NBAS: variants seen among roughly 807,000 people sequenced by gnomAD.
The protein encoded by NBAS is NBAS subunit of NRZ tethering complex.
In NBAS, 219 loss-of-function variants were observed where a neutral mutation model predicts 302.5. The observed-to-expected ratio is 0.72, with a 90% confidence interval of 0.65 to 0.81. The LOEUF is 0.81. Among genes scored for constraint, NBAS ranks in the 30% least tolerant of loss-of-function variants. The pLI is 0.00. For synonymous variants in NBAS, 1,118 were observed against 1,021.6 expected, an observed-to-expected ratio of 1.09 and a Z score of -1.80; for missense variants, 2,932 against 2,841.6, an observed-to-expected ratio of 1.03 and a Z score of -0.72.
At chr2:15,491,929 C>T (rs1680873775) in intron 11 of NBAS, among the ~76,000 whole-genome samples, 1 of 152,136 alleles carries the variant, frequency 6.6e-6, no homozygotes, top group East Asian at 1.9e-4. Flanking sequence ...TACTGTTTCT[C>T]CTCTACACTC....
chr2:15,295,707 G>A (rs1670519834), intron 40 of NBAS, among the ~76,000 whole-genome samples: 1 of 152,176 alleles, frequency 6.6e-6, no homozygotes, highest in Non-Finnish European at 1.5e-5. Flanking sequence ...CAGAGATCAT[G>A]TGTATATCAT....
chr2:15,230,945 A>C (rs1312709406), intron 47 of NBAS, among the ~76,000 whole-genome samples: 1 of 152,052 alleles, frequency 6.6e-6, no homozygotes. Context: ...CTCCAAACAG[A>C]CTGTTCTTTC....
chr2:15,394,453 A>C (rs1675768188), intron 27 of NBAS, 104 bp from the exon 28 acceptor site: 1 of 1,226,188 alleles, frequency 8.2e-7, no homozygotes, highest in Non-Finnish European at 1.2e-6. Context: ...TTAAAAAAAA[A>C]TTATCCCATA....
intron 27 of NBAS, among the ~76,000 whole-genome samples, chr2:15,395,115 TA>T (rs1675804919): frequency 6.6e-6 from 1 of 152,056 alleles, no homozygotes; most frequent in Admixed American, 6.5e-5. Context: ...TAAATTAAGC[TA>T]AATAGTGAAA....
At position 15,533,679 on chromosome 2, in the gene NBAS, C is replaced by CGTGT. The variant is rs59222907; in HGVS notation, c.746+860_746+863dup. ...CACAAGGAGGACTTCGGGGGGTGTG[C>CGTGT]GTGTGTGTGTGTGTGTGTGTGTGTG... On this transcript the variant is annotated intron_variant, in intron 9 of 51. Transcript: ENST00000281513. 6.4e-3 allele frequency among the ~76,000 whole-genome samples: 921 copies of CGTGT among 143,984 alleles called. 10 individuals are homozygous for CGTGT. The highest frequency in any genetic ancestry group is 0.034 in the East Asian group (155 of 4,602). 94.5% of individuals were successfully genotyped at this position (143,984 alleles called of 152,430 possible).
intron 25 of NBAS, among the ~76,000 whole-genome samples, chr2:15,405,085 T>C (rs1676345867): frequency 6.6e-6 from 1 of 152,218 alleles, no homozygotes; most frequent in African/African-American, 2.4e-5. Context: ...CTACCTGGAA[T>C]GTCTTCTCAA....
chr2:15,186,831 A>G lies in NBAS; in HGVS notation c.6622T>C (p.Cys2208Arg). 3 of 1,613,950 alleles carry G rather than the reference A, an allele frequency of 1.9e-6. No homozygotes were observed. The highest frequency in any genetic ancestry group is 1.7e-5 in the Admixed American group (1 of 59,996). The stretch of plus-strand genomic sequence containing the variant: ...AATCCTTCCTTGTTCTCCATCGTAC[A>G]TCTGGTTAGCATCACTGTAGCTAGT... ...VRLATVMLTRCTMENKEGLGN... is the reference protein window; with the variant it reads ...VRLATVMLTRRTMENKEGLGN... The change falls in exon 50 of 52, where the codon TGT becomes CGT. Residue 2208 changes from cysteine to arginine, a missense_variant. By Grantham distance (180) the Cys-to-Arg change is radical. Coordinates refer to ENST00000281513, the MANE Select transcript of NBAS (RefSeq NM_015909.4).
chr2:15,291,788 CTG>C (rs935754024), intron 41 of NBAS, among the ~76,000 whole-genome samples: 4 of 152,152 alleles, frequency 2.6e-5, no homozygotes, highest in African/African-American at 9.7e-5. Flanking sequence ...GCTTTGAAAA[CTG>C]AGATTTCTAG....
intron 28 of NBAS, 26 bp downstream of exon 28, chr2:15,394,201 A>G (rs1366607958): frequency 6.4e-7 from 1 of 1,561,546 alleles, no homozygotes. Context: ...TAATTGACCC[A>G]AGTATCAATT....
At chr2:15,269,916 A>C (rs1669239476) in intron 44 of NBAS, among the ~76,000 whole-genome samples, 2 of 152,162 alleles carry the variant, frequency 1.3e-5, no homozygotes, top group Non-Finnish European at 2.9e-5. Flanking sequence ...CTATTAAAAT[A>C]TCTCTCCCTT....
intron 49 of NBAS, 31 bp downstream of exon 49, chr2:15,190,233 C>T (rs568986639): frequency 6.2e-7 from 1 of 1,612,674 alleles, no homozygotes; most frequent in Admixed American, 1.7e-5. Flanking sequence ...CAAAAGAACT[C>T]TAATTACGCT....
the NBAS span, among the ~76,000 whole-genome samples, chr2:15,056,269 A>G: frequency 4.3e-4 from 66 of 152,338 alleles, no homozygotes; most frequent in African/African-American, 1.5e-3. Context: ...GGAAAGAATC[A>G]ATGTTAATTG....
chr2:15,073,137 A>G, the NBAS span, among the ~76,000 whole-genome samples: 3 of 152,058 alleles, frequency 2.0e-5, no homozygotes, highest in Non-Finnish European at 2.9e-5. Context: ...ACAAACAACA[A>G]CAACAAAAAA....
At chr2:14,959,119 TCC>T in the NBAS span, among the ~76,000 whole-genome samples, 3 of 152,174 alleles carry the variant, frequency 2.0e-5, no homozygotes, top group Non-Finnish European at 4.4e-5. Context: ...GTGTCCTTAC[TCC>T]ACCACCACCA....
chr2:15,301,456 A>T (rs1165473795), intron 40 of NBAS, among the ~76,000 whole-genome samples: 1 of 152,176 alleles, frequency 6.6e-6, no homozygotes, highest in Non-Finnish European at 1.5e-5. Flanking sequence ...AACACAGAAG[A>T]TGTCTGTGAC....
intron 44 of NBAS, among the ~76,000 whole-genome samples, chr2:15,268,298 T>C (rs1029593444): frequency 6.6e-6 from 1 of 152,188 alleles, no homozygotes; most frequent in South Asian, 2.1e-4. Context: ...TAAACATCTG[T>C]GGGTCAGGAC....
At chr2:14,818,360 AT>A in the NBAS span, among the ~76,000 whole-genome samples, 8 of 152,280 alleles carry the variant, frequency 5.3e-5, no homozygotes, top group South Asian at 8.3e-4. Flanking sequence ...ATTCTTAAAA[AT>A]TTTATCTGCA....
At chr2:15,377,841 T>G (rs1674821092) in intron 30 of NBAS, among the ~76,000 whole-genome samples, 1 of 152,232 alleles carries the variant, frequency 6.6e-6, no homozygotes, top group African/African-American at 2.4e-5. Context: ...ATCTCATTTT[T>G]GTAAAACTAT....
At chr2:14,990,936 C>T in the NBAS span, among the ~76,000 whole-genome samples, 1 of 152,118 alleles carries the variant, frequency 6.6e-6, no homozygotes. Context: ...AGAGGAGAGA[C>T]ATGGGAGGGA....
Sources: gnomAD v4.1 joint callset for allele counts (sites outside exome capture counted in the v4.1 genomes callset) on GRCh38, gnomAD v4.1.1 for gene constraint, MANE v1.5 for transcripts, NCBI Gene and HGNC (gene_info 2026-07-23, HGNC 2026-07-21) for gene names.